RYR3: variants seen among roughly 807,000 people sequenced by gnomAD.
The protein encoded by RYR3 is brain ryanodine receptor-calcium release channel.
In RYR3, 207 loss-of-function variants were observed where a neutral mutation model predicts 584.3. The ratio of observed to expected loss-of-function variants is 0.35; its 90% CI spans 0.32 to 0.40. The LOEUF (loss-of-function observed/expected upper bound fraction) is 0.40, where lower values mean the gene tolerates loss of function less well. Among genes scored for constraint, RYR3 ranks in the 10% least tolerant of loss-of-function variants. The pLI is 1.00. For synonymous variants in RYR3, 2,416 were observed against 2,248.5 expected (o/e 1.07, Z -2.11); for missense variants, 5,616 against 6,089.2 (o/e 0.92, Z 2.59).
At chr15:33,533,124 A>G (rs1412906706) in intron 4 of RYR3, among the ~76,000 whole-genome samples, 187 bp from the exon 5 acceptor site, 1 of 152,162 alleles carries the variant, frequency 6.6e-6, no homozygotes, top group Non-Finnish European at 1.5e-5. Context: ...CTCTAAAAAT[A>G]ATAATAATAA....
At position 33,562,939 on chromosome 15, in the gene RYR3, G is replaced by A. The variant is rs2057490464; in HGVS notation, c.1075G>A (p.Ala359Thr). The A allele has an allele frequency of 1.2e-6, 2 of 1,613,822 alleles. No homozygotes were observed. Reference sequence around the variant, plus strand: ...TTCTGTCTGCTTTGTGCAGCATATAGCCAGTGGTCTGTGGGTGACCTACAA... The same window carrying A: ...TTCTGTCTGCTTTGTGCAGCATATAACCAGTGGTCTGTGGGTGACCTACAA... ...GDSVCFVQHIASGLWVTYKAQ... is the reference protein window; with the variant it reads ...GDSVCFVQHITSGLWVTYKAQ... The change falls in exon 11 of 104, where the codon GCC (alanine) becomes ACC (threonine). Residue 359 changes from alanine (A) to threonine (T), a missense_variant. Physicochemically the swap from Ala to Thr is moderately conservative, Grantham distance 58 (BLOSUM62 0). Coordinates refer to ENST00000634891, the MANE Select transcript of RYR3 (RefSeq NM_001036.6).
intron 1 of RYR3, among the ~76,000 whole-genome samples, chr15:33,373,368 CA>C (rs1322626527): frequency 2.0e-5 from 3 of 152,208 alleles, no homozygotes; most frequent in Admixed American, 1.3e-4. Flanking sequence ...AGACTTTCCA[CA>C]AGGTACATAA....
chr15:33,655,770 G>T (rs923771043), intron 32 of RYR3, among the ~76,000 whole-genome samples: 1 of 152,212 alleles, frequency 6.6e-6, no homozygotes, highest in Admixed American at 6.5e-5. Context: ...CATTCCAGGC[G>T]AGACAGTAAC....
intron 60 of RYR3, among the ~76,000 whole-genome samples, chr15:33,766,288 G>GAA (rs66478931): frequency 0.24 from 32,152 of 133,876 alleles, 3,772 homozygotes; most frequent in African/African-American, 0.3. Context: ...ACCTCAAAAA[G>GAA]AAAAAAAAAA....
chr15:33,646,448 G>A lies in RYR3; in HGVS notation c.3863G>A (p.Cys1288Tyr). ...AATAGCAATGCCGACATGATCTATT[G>A]CCGCTTGAGCATGCCTGTCGAGTGC... ...TQNSNADMIYCRLSMPVECHS... is the reference protein window; with the variant it reads ...TQNSNADMIYYRLSMPVECHS... Residue 1288 changes from cysteine to tyrosine, a missense_variant, in exon 29 of 104, where the codon TGC becomes TAC. Physicochemically the swap from Cys to Tyr is radical, Grantham distance 194. This residue lies in a region of RYR3 where 753 missense variants were observed against 741.0 expected (regional missense o/e 1.02). Coordinates refer to ENST00000634891, the MANE Select transcript of RYR3 (RefSeq NM_001036.6). 6.2e-7 allele frequency: 1 copy of A among 1,613,940 alleles called. No individual in the cohort carries two copies. The highest frequency in any genetic ancestry group is 8.5e-7 in the Non-Finnish European group (1 of 1,179,860).
At chr15:33,768,854 G>A in intron 61 of RYR3, 147 bp downstream of exon 61, 1 of 809,348 alleles carries the variant, frequency 1.2e-6, no homozygotes, top group Non-Finnish European at 2.1e-6. Flanking sequence ...TCTGAAGCAT[G>A]ATAAATGACC....
intron 36 of RYR3, among the ~76,000 whole-genome samples, chr15:33,665,830 G>A (rs376787924): frequency 6.6e-6 from 1 of 152,236 alleles, no homozygotes; most frequent in South Asian, 2.1e-4. Context: ...GCAAAGGGAT[G>A]ATGAGTATGT....
chr15:33,657,365 ATT>A (rs773979329), intron 32 of RYR3, among the ~76,000 whole-genome samples: 4 of 152,276 alleles, frequency 2.6e-5, no homozygotes, highest in East Asian at 1.9e-4. Flanking sequence ...GACTGAATGC[ATT>A]TCTCTCTCCC....
At chr15:33,812,451 T>C (rs1026626103) in intron 72 of RYR3, among the ~76,000 whole-genome samples, 17 of 152,292 alleles carry the variant, frequency 1.1e-4, no homozygotes, top group Non-Finnish European at 2.2e-4. Context: ...AATTGGATGT[T>C]ATATTTTTAA....
chr15:33,600,940 G>C (rs1043548292), intron 16 of RYR3, among the ~76,000 whole-genome samples: 77 of 152,280 alleles, frequency 5.1e-4, no homozygotes, highest in African/African-American at 1.8e-3. Context: ...ATCAGGGCTG[G>C]GTGAGAGTGT....
chr15:33,755,924 C>G (rs1339398559), intron 58 of RYR3, among the ~76,000 whole-genome samples: 1 of 152,130 alleles, frequency 6.6e-6, no homozygotes, highest in East Asian at 1.9e-4. Context: ...TGCCCACCAC[C>G]ACGCCTGCCT....
intron 55 of RYR3, among the ~76,000 whole-genome samples, chr15:33,749,754 A>G (rs543738208): frequency 1.3e-5 from 2 of 152,330 alleles, no homozygotes; most frequent in South Asian, 4.2e-4. Context: ...ATAATAAGTT[A>G]CAAGGGAAGG....
intron 1 of RYR3, among the ~76,000 whole-genome samples, chr15:33,456,080 G>A (rs2047535243): frequency 6.6e-6 from 1 of 152,116 alleles, no homozygotes; most frequent in Non-Finnish European, 1.5e-5. Context: ...ATTTATAGTA[G>A]TGTTTAACCC....
At chr15:33,559,022 G>T (rs567675236) in intron 10 of RYR3, among the ~76,000 whole-genome samples, 2 of 152,290 alleles carry the variant, frequency 1.3e-5, no homozygotes, top group South Asian at 4.2e-4. Flanking sequence ...TCTGGAGCAT[G>T]GGAGTTGCTA....
At position 33,508,785 on chromosome 15, in the gene RYR3, C is replaced by G. The variant is rs1264968573; in HGVS notation, c.279+5047C>G. ...GTATTACTTGTGTGATTTGATAGTC[C>G]CATTAACTCTGAAAGGAGCTTTTGG... On this transcript the variant is annotated intron_variant, in intron 3 of 103. Coordinates refer to ENST00000634891, the MANE Select transcript of RYR3 (RefSeq NM_001036.6). Among the ~76,000 whole-genome samples, 13 of 152,128 alleles carry G rather than the reference C, an allele frequency of 8.5e-5. 1 individual carries two copies. The highest frequency in any genetic ancestry group is 1.8e-4 in the Non-Finnish European group (12 of 68,028).
intron 8 of RYR3, among the ~76,000 whole-genome samples, chr15:33,547,887 T>G (rs2056365549): frequency 6.6e-6 from 1 of 152,218 alleles, no homozygotes; most frequent in African/African-American, 2.4e-5. Context: ...GTATACCTGA[T>G]GATGCATAAA....
chr15:33,657,796 A>G (rs2062907488), intron 32 of RYR3, among the ~76,000 whole-genome samples: 1 of 152,230 alleles, frequency 6.6e-6, no homozygotes, highest in South Asian at 2.1e-4. Context: ...TTTACCTGAA[A>G]TGTGAGGCCA....
chr15:33,813,402 G>A, intron 73 of RYR3, 65 bp from the exon 74 acceptor site: 1 of 1,405,708 alleles, frequency 7.1e-7, no homozygotes. Context: ...CTGGGCTACA[G>A]GTGACTAGCT....
Position 33,646,517 on chromosome 15 carries a change from T to C in RYR3, c.3932T>C (p.Phe1311Ser). The change falls in exon 29 of 104, where the codon TTC becomes TCC. Residue 1311 changes from phenylalanine (F) to serine (S), a missense_variant. Physicochemically the swap from Phe to Ser is radical, Grantham distance 155. Coordinates refer to ENST00000634891, the MANE Select transcript of RYR3 (RefSeq NM_001036.6). ...SHSPCLDSEA[F>S]QKRKQMQEIL... Reference sequence around the variant, plus strand: ...AGCCCCTGTCTGGACAGTGAAGCTTTCCAGAAAAGGTGAGGGTGAGGCCTC... The same window carrying C: ...AGCCCCTGTCTGGACAGTGAAGCTTCCCAGAAAAGGTGAGGGTGAGGCCTC... 6.2e-7 allele frequency: 1 copy of C among 1,609,858 alleles called. No homozygotes were observed. Among genetic ancestry groups the C allele is most frequent in the Non-Finnish European group, 8.5e-7 (1 of 1,177,072 alleles).
Sources: allele counts gnomAD v4.1 joint callset (sites outside exome capture counted in the v4.1 genomes callset), GRCh38; gene constraint gnomAD v4.1.1; regional missense constraint gnomAD v4.1.1; transcripts MANE v1.5; gene names NCBI Gene and HGNC (gene_info 2026-07-23, HGNC 2026-07-21).